The following MTMR7 variants were observed in gnomAD, a reference collection of about 807,000 sequenced individuals.
MTMR7 encodes the protein phosphatidylinositol-3-phosphate phosphatase MTMR7.
In MTMR7, 76 loss-of-function variants were observed where a neutral mutation model predicts 81.2. The observed-to-expected ratio is 0.94, with a 90% CI of 0.78 to 1.13. The LOEUF (loss-of-function observed/expected upper bound fraction) is 1.13, where lower values mean the gene tolerates loss of function less well. MTMR7 is among the 50% of genes most tolerant of loss of function. The pLI is 0.00. For synonymous variants in MTMR7, 372 were observed against 289.8 expected, an observed-to-expected ratio of 1.28 and a Z score of -2.88; for missense variants, 1,044 against 820.0, an observed-to-expected ratio of 1.27 and a Z score of -3.34.
chr8:17,371,273 G>A (rs1449292936), intron 2 of MTMR7, 74 bp from the exon 3 acceptor site: 24 of 1,499,158 alleles, frequency 1.6e-5, no homozygotes, highest in Non-Finnish European at 1.8e-5. Flanking sequence ...ACATTTCTTT[G>A]TGGCTCAAAG....
At chr8:17,301,855 C>A in intron 13 of MTMR7, 1 of 403,000 alleles carries the variant, frequency 2.5e-6, no homozygotes, top group Non-Finnish European at 4.4e-6. Context: ...TCACACTTTC[C>A]AGAAAAAAAT....
chr8:17,399,815 C>G (rs184212157), intron 1 of MTMR7, among the ~76,000 whole-genome samples: 10 of 150,316 alleles, frequency 6.7e-5, no homozygotes, highest in Admixed American at 6.0e-4. Context: ...TGGCCATCAA[C>G]AGACAAATGT....
intron 6 of MTMR7, among the ~76,000 whole-genome samples, chr8:17,339,841 A>G (rs146467464): frequency 6.6e-6 from 1 of 152,318 alleles, no homozygotes; most frequent in African/African-American, 2.4e-5. Context: ...CCTTTTCTAT[A>G]GTGAAAAAAA....
At chr8:17,408,469 T>C (rs1015583183) in intron 1 of MTMR7, among the ~76,000 whole-genome samples, 1 of 152,072 alleles carries the variant, frequency 6.6e-6, no homozygotes, top group Non-Finnish European at 1.5e-5. Context: ...TTTCTTTCTT[T>C]GATGAGCTCT....
chr8:17,347,639 T>C (rs77266137), intron 5 of MTMR7, among the ~76,000 whole-genome samples: 2,196 of 152,288 alleles, frequency 0.014, 54 homozygotes, highest in African/African-American at 0.05. Context: ...AAAGAACATT[T>C]TGTTTTTTTA....
At chr8:17,397,048 G>A (rs73666135) in intron 1 of MTMR7, among the ~76,000 whole-genome samples, 3,749 of 151,890 alleles carry the variant, frequency 0.025, 72 homozygotes, top group African/African-American at 0.051. Flanking sequence ...AAAAGAGCTC[G>A]GGCCCTGAAT....
intron 2 of MTMR7, 88 bp from the exon 3 acceptor site, chr8:17,371,287 G>A (rs1343995079): frequency 7.0e-7 from 1 of 1,425,636 alleles, no homozygotes; most frequent in Non-Finnish European, 9.6e-7. Flanking sequence ...CTCAAAGAAA[G>A]ACAAGAAACG....
chr8:17,338,937 C>T (rs571549875), intron 6 of MTMR7: 4 of 152,094 alleles, frequency 2.6e-5, no homozygotes, highest in African/African-American at 9.6e-5. Flanking sequence ...TGCTTTGCTC[C>T]GAAGAAGACT....
chr8:17,413,237 G>T (rs759640502), intron 1 of MTMR7, 32 bp downstream of exon 1: 1 of 1,546,544 alleles, frequency 6.5e-7, no homozygotes, highest in Non-Finnish European at 8.7e-7. Flanking sequence ...ATCTCCTCCC[G>T]TCCCTCCTCC....
intron 1 of MTMR7, among the ~76,000 whole-genome samples, chr8:17,410,239 C>A (rs559096845): frequency 6.6e-6 from 1 of 152,180 alleles, no homozygotes; most frequent in Non-Finnish European, 1.5e-5. Flanking sequence ...GAGGTTATCA[C>A]GTATTCTATT....
chr8:17,397,719 A>C (rs2150581613), intron 1 of MTMR7, among the ~76,000 whole-genome samples: 1 of 152,266 alleles, frequency 6.6e-6, no homozygotes, highest in East Asian at 1.9e-4. Context: ...TAGGGCCTTA[A>C]GTGAACTTTG....
chr8:17,333,224 G>A (rs1428741575), intron 6 of MTMR7, among the ~76,000 whole-genome samples: 2 of 152,086 alleles, frequency 1.3e-5, no homozygotes, highest in African/African-American at 2.4e-5. Flanking sequence ...AGAATAAAGA[G>A]TTTGGCCTTA....
At chr8:17,308,080 T>A (rs1389293761) in intron 10 of MTMR7, among the ~76,000 whole-genome samples, 2 of 151,738 alleles carry the variant, frequency 1.3e-5, no homozygotes, top group Admixed American at 6.6e-5. Context: ...AAGAAAAAAA[T>A]AATTGCATTA....
intron 5 of MTMR7, among the ~76,000 whole-genome samples, chr8:17,344,286 G>A (rs887807592): frequency 6.6e-6 from 1 of 152,168 alleles, no homozygotes; most frequent in Non-Finnish European, 1.5e-5. Flanking sequence ...CCAATGGGAG[G>A]AAATAGGTCA....
intron 10 of MTMR7, among the ~76,000 whole-genome samples, chr8:17,307,779 C>A (rs1379913626): frequency 1.3e-5 from 2 of 151,826 alleles, no homozygotes; most frequent in African/African-American, 2.4e-5. Context: ...AGCAAACTAT[C>A]GCAAGGACAA....
chr8:17,345,001 T>C (rs1007865352), intron 5 of MTMR7, among the ~76,000 whole-genome samples: 1 of 152,058 alleles, frequency 6.6e-6, no homozygotes, highest in Non-Finnish European at 1.5e-5. Context: ...GAACAAAGGC[T>C]ATAGCAATTC....
intron 1 of MTMR7, among the ~76,000 whole-genome samples, chr8:17,393,120 C>T (rs1030359074): frequency 4.2e-4 from 64 of 152,218 alleles, no homozygotes; most frequent in African/African-American, 1.5e-3. Context: ...GAAATAAATC[C>T]AAGCATCTAT....
At chr8:17,369,060 T>C (rs1280989796) in intron 3 of MTMR7, among the ~76,000 whole-genome samples, 1 of 152,208 alleles carries the variant, frequency 6.6e-6, no homozygotes, top group Non-Finnish European at 1.5e-5. Context: ...GCTCAGCCCT[T>C]TCCCAGTTCG....
chr8:17,300,096 A>C lies in MTMR7; in HGVS notation c.1749T>G (p.Ser583Arg), dbSNP rs145244130. The C allele has an allele frequency of 3.8e-3, 6,064 of 1,614,040 alleles. 17 individuals are homozygous for C. The highest frequency in any genetic ancestry group is 4.7e-3 in the Non-Finnish European group (5,516 of 1,180,002). The change falls in exon 14 of 14, where the codon AGT becomes AGG. Residue 583 changes from serine to arginine, a missense_variant. Ser to Arg is a moderately radical substitution (Grantham distance 110). Coordinates refer to ENST00000180173, the MANE Select transcript of MTMR7 (RefSeq NM_004686.5). ...NSIANTPQDY[S>R]GNMKSFPSRS... ...GGGATGGAAATGATTTCATATTCCC[A>C]CTGTAATCCTGGGGAGTGTTGGCTA...
Sources: allele counts gnomAD v4.1 joint callset (sites outside exome capture counted in the v4.1 genomes callset), GRCh38; gene constraint gnomAD v4.1.1; transcripts MANE v1.5; gene names NCBI Gene and HGNC (gene_info 2026-07-23, HGNC 2026-07-21).